PHC2: variants seen among roughly 807,000 people sequenced by gnomAD.
The protein encoded by PHC2 is polyhomeotic-like protein 2.
In PHC2, 29 loss-of-function variants were observed where a neutral mutation model predicts 87.4. That is an observed-to-expected ratio of 0.33 (90% CI 0.25 to 0.45). PHC2 has a LOEUF of 0.45. PHC2 is among the 20% of genes least tolerant of loss of function. The probability of loss-of-function intolerance (pLI) is 1.00; values close to 1 mark genes in which losing one functional copy is unlikely to be tolerated. For missense variants in PHC2, 857 were observed against 1,136.7 expected, an observed-to-expected ratio of 0.75 and a Z score of 3.54; for synonymous variants, 438 against 461.7, an observed-to-expected ratio of 0.95 and a Z score of 0.66.
Position 33,329,127 on chromosome 1 carries a change from A to G in PHC2, c.2168T>C (p.Leu723Pro), listed in dbSNP as rs1175738034. 6.2e-7 allele frequency: 1 copy of G among 1,613,952 alleles called. No individual in the cohort carries two copies. The highest frequency in any genetic ancestry group is 2.2e-5 in the East Asian group (1 of 44,880). Reference protein sequence around the residue: ...TKKQPTGTVPLSVTAALQLTH... With the variant: ...TKKQPTGTVPPSVTAALQLTH... ...TAGCTGCAAAGCAGCAGTAACCGAA[A>G]GGGGCACAGTGCCTGTTGGCTGGGA... is the stretch of plus-strand genomic sequence containing the variant. The change falls in exon 14 of 15, where the codon CTT (leucine) becomes CCT (proline). Residue 723 changes from leucine (L) to proline (P), a missense_variant. Physicochemically the swap from Leu to Pro is moderately conservative, Grantham distance 98 (BLOSUM62 -3). Coordinates refer to ENST00000683057, the MANE Select transcript of PHC2 (RefSeq NM_001385109.1).
At position 33,349,043 on chromosome 1, in the gene PHC2, T is replaced by C. The variant is rs769916775; in HGVS notation, c.1558+5358A>G. On this transcript the variant is annotated intron_variant, in intron 9 of 14. Transcript: ENST00000683057. The surrounding 1 kb of genome is among the most constrained non-coding windows in gnomAD (Gnocchi z 4.2). ...GATTTTAATGTAAAGAAGCAACAAA[T>C]ATAGTCTACCTTCATTTGGCATAGG... The C allele has an allele frequency of 6.1e-6, 6 of 979,558 alleles. No homozygotes were observed. The highest frequency in any genetic ancestry group is 7.3e-6 in the Non-Finnish European group (6 of 824,700). The allele number at this position is 979,558 out of a possible 1,614,324, so 60.7% of individuals were successfully genotyped here. A position where few individuals can be genotyped will look rare whatever the true frequency, so the allele number is the denominator to read the frequency against.
At chr1:33,423,021 C>G (rs745981401) in intron 1 of PHC2, among the ~76,000 whole-genome samples, 1 of 151,838 alleles carries the variant, frequency 6.6e-6, no homozygotes. Flanking sequence ...CCCACTATAC[C>G]CAAGAAGACT....
At chr1:33,392,118 C>T (rs942985925) in intron 1 of PHC2, among the ~76,000 whole-genome samples, 3 of 152,130 alleles carry the variant, frequency 2.0e-5, no homozygotes, top group African/African-American at 7.2e-5. Context: ...TTATTCAGGA[C>T]ACAATCTTGA....
At chr1:33,335,208 C>G (rs1646602022) in intron 9 of PHC2, 1 of 985,474 alleles carries the variant, frequency 1.0e-6, no homozygotes, top group Non-Finnish European at 1.2e-6. Context: ...TCTTCCACTT[C>G]AAACAGCATC....
At chr1:33,412,899 T>C (rs1300547293) in intron 1 of PHC2, among the ~76,000 whole-genome samples, 1 of 152,196 alleles carries the variant, frequency 6.6e-6, no homozygotes, top group Non-Finnish European at 1.5e-5. Flanking sequence ...CATTTTTGTC[T>C]TTATAGGAAA....
At chr1:33,374,888 T>A (rs561480861) in intron 2 of PHC2, among the ~76,000 whole-genome samples, 11 of 152,324 alleles carry the variant, frequency 7.2e-5, no homozygotes, top group African/African-American at 2.2e-4. Flanking sequence ...CAGATGGTAG[T>A]GCATGGCCCT....
chr1:33,414,077 T>C (rs952170475), intron 1 of PHC2, among the ~76,000 whole-genome samples: 3 of 152,050 alleles, frequency 2.0e-5, no homozygotes, highest in Admixed American at 2.0e-4. Flanking sequence ...AAAAACTGAG[T>C]TGGCAGGGCT....
chr1:33,385,798 A>ACT (rs368694960), intron 1 of PHC2, among the ~76,000 whole-genome samples: 1 of 149,864 alleles, frequency 6.7e-6, no homozygotes, highest in Non-Finnish European at 1.5e-5. Context: ...ACAGAATAAA[A>ACT]ATTTTTTTTT....
At chr1:33,330,825 T>C (rs1278674160) in intron 12 of PHC2, among the ~76,000 whole-genome samples, 2 of 152,252 alleles carry the variant, frequency 1.3e-5, no homozygotes, top group Non-Finnish European at 2.9e-5. Context: ...TACTCCTTTG[T>C]ACTTTGGCTT....
At chr1:33,344,528 T>C (rs1335545792) in intron 9 of PHC2, among the ~76,000 whole-genome samples, 1 of 152,242 alleles carries the variant, frequency 6.6e-6, no homozygotes, top group Non-Finnish European at 1.5e-5. Flanking sequence ...GTCAACCCTA[T>C]TTTGCCACCA....
intron 9 of PHC2, among the ~76,000 whole-genome samples, chr1:33,342,934 G>A (rs1476493790): frequency 6.6e-6 from 1 of 152,236 alleles, no homozygotes; most frequent in Non-Finnish European, 1.5e-5. Context: ...AGAGTAGAAA[G>A]AGCATGGGCT....
At chr1:33,357,805 C>T (rs780231704) in intron 7 of PHC2, among the ~76,000 whole-genome samples, 48 of 152,312 alleles carry the variant, frequency 3.2e-4, no homozygotes, top group Non-Finnish European at 3.7e-4. Flanking sequence ...AAATGATCTG[C>T]AAATGTTGGG....
chr1:33,343,921 CAA>C (rs1293961640), intron 9 of PHC2, among the ~76,000 whole-genome samples: 2 of 152,170 alleles, frequency 1.3e-5, no homozygotes, highest in Non-Finnish European at 2.9e-5. Context: ...AAGGGCAAAG[CAA>C]AGTCTCAAGT....
chr1:33,362,316 TGGG>T (rs1647212313), intron 7 of PHC2, among the ~76,000 whole-genome samples: 1 of 152,210 alleles, frequency 6.6e-6, no homozygotes, highest in Non-Finnish European at 1.5e-5. Context: ...TCTGTGAGTC[TGGG>T]GTGCAGGAGG....
chr1:33,370,228 A>C (rs1357940256), intron 5 of PHC2, among the ~76,000 whole-genome samples, 193 bp downstream of exon 5: 1 of 151,898 alleles, frequency 6.6e-6, no homozygotes, highest in African/African-American at 2.4e-5. Flanking sequence ...CTGGAGCCCC[A>C]CCCTTCATGA....
intron 6 of PHC2, among the ~76,000 whole-genome samples, chr1:33,367,889 G>GT (rs1252667467): frequency 6.6e-6 from 1 of 152,168 alleles, no homozygotes; most frequent in Non-Finnish European, 1.5e-5. Context: ...TCAGAATAAG[G>GT]TTGCCACCGG....
At chr1:33,402,291 C>T (rs1649569081) in intron 1 of PHC2, among the ~76,000 whole-genome samples, 1 of 152,120 alleles carries the variant, frequency 6.6e-6, no homozygotes. Context: ...CAATATCAAA[C>T]ACTGGGGAGG....
rs370099521 is a variant in PHC2 at position 33,334,261 on chromosome 1, G to A, written c.1590C>T (p.Thr530=). ...ETGQGIVHAL[T]DLSSPGMTSG... is the part of the protein sequence containing the mutation. ...AGGTCATGCCGGGGCTGCTGAGGTC[G>A]GTCAGTGCATGAACAATGCCCTGCC... is the stretch of plus-strand genomic sequence containing the variant. The change falls in exon 10 of 15, where the codon ACC becomes ACT. Residue 530 remains threonine, a synonymous_variant. Transcript: ENST00000683057. The surrounding 1 kb of genome is among the most constrained non-coding windows in gnomAD (Gnocchi z 5.5). The A allele has an allele frequency of 7.4e-6, 12 of 1,611,890 alleles. No individual in the cohort carries two copies. The highest frequency in any genetic ancestry group is 6.7e-5 in the East Asian group (3 of 44,870).
At chr1:33,410,972 A>G (rs568092576) in intron 1 of PHC2, among the ~76,000 whole-genome samples, 7 of 152,260 alleles carry the variant, frequency 4.6e-5, no homozygotes, top group African/African-American at 1.4e-4. Context: ...TTTGTTTATC[A>G]CCCAATGAAG....
Sources: gnomAD v4.1 joint callset for allele counts (sites outside exome capture counted in the v4.1 genomes callset) on GRCh38, gnomAD v4.1.1 for gene constraint, Gnocchi (gnomAD v3.1) non-coding constraint, MANE v1.5 for transcripts, NCBI Gene and HGNC (gene_info 2026-07-23, HGNC 2026-07-21) for gene names.